FAM120B: variants seen among roughly 807,000 people sequenced by gnomAD.
FAM120B encodes constitutive coactivator of peroxisome proliferator-activated receptor gamma.
Under a neutral mutation model 96.3 loss-of-function variants are expected in FAM120B, and 83 were observed. That is an observed-to-expected ratio of 0.86 (90% CI 0.72 to 1.03). FAM120B has a LOEUF of 1.03. FAM120B is among the 50% of genes least tolerant of loss of function. FAM120B has a pLI of 0.00. For missense variants in FAM120B, 1,027 were observed against 1,121.2 expected, an observed-to-expected ratio of 0.92 and a Z score of 1.20; for synonymous variants, 407 against 402.7, an observed-to-expected ratio of 1.01 and a Z score of -0.13.
At chr6:170,399,715 G>A (rs78432603) in intron 9 of FAM120B, among the ~76,000 whole-genome samples, 1 of 145,756 alleles carries the variant, frequency 6.9e-6, no homozygotes, top group African/African-American at 2.6e-5. Context: ...GAAGTGAGTG[G>A]GAAAGGTAGA....
intron 4 of FAM120B, among the ~76,000 whole-genome samples, chr6:170,344,950 TCTCTGCCCTGCAGCAGCAGTC>T (rs1787080658): frequency 6.6e-6 from 1 of 152,228 alleles, no homozygotes; most frequent in South Asian, 2.1e-4. Flanking sequence ...CCTCACAATG[TCTCTGCCCTGCAGCAGCAGTC>T]CTCTGCCCTA....
At position 170,362,668 on chromosome 6, in the gene FAM120B, G is replaced by C. The variant is rs181589901; in HGVS notation, c.2283+4350G>C. ...CAGGGTGCAATAATAATAATAATTTGTTTTCTTTCTTTTTTCTTTTTTTTT... is the reference window on the plus strand; with the variant it reads ...CAGGGTGCAATAATAATAATAATTTCTTTTCTTTCTTTTTTCTTTTTTTTT... On this transcript the variant is annotated intron_variant, in intron 6 of 10. Transcript: ENST00000476287. Among the ~76,000 whole-genome samples the C allele has an allele frequency of 4.9e-3, 739 of 150,514 alleles. 9 individuals carry two copies. The highest frequency in any genetic ancestry group is 0.017 in the African/African-American group (707 of 40,916).
At chr6:170,337,755 C>T (rs1786538175) in intron 4 of FAM120B, among the ~76,000 whole-genome samples, 1 of 152,052 alleles carries the variant, frequency 6.6e-6, no homozygotes, top group African/African-American at 2.4e-5. Context: ...CTGGTTTAGT[C>T]TTGGAAGGTG....
At chr6:170,291,317 G>A (rs1370581279), upstream of FAM120B, among the ~76,000 whole-genome samples, 2 of 151,936 alleles carry the variant, frequency 1.3e-5, no homozygotes, top group Non-Finnish European at 2.9e-5. Context: ...CACACGCGGG[G>A]GGCGGCGCTG....
intron 5 of FAM120B, among the ~76,000 whole-genome samples, chr6:170,356,471 T>A (rs751390584): frequency 7.9e-5 from 12 of 152,192 alleles, no homozygotes; most frequent in Non-Finnish European, 1.5e-4. Flanking sequence ...TGTTTTGATG[T>A]GTAATATGGG....
chr6:170,350,591 T>A (rs1226713499), intron 5 of FAM120B, among the ~76,000 whole-genome samples: 3 of 152,214 alleles, frequency 2.0e-5, no homozygotes, highest in African/African-American at 7.2e-5. Context: ...AGGAGCTGGC[T>A]GCCATCTTTG....
intron 9 of FAM120B, among the ~76,000 whole-genome samples, chr6:170,400,962 C>G (rs1042403067): frequency 6.6e-6 from 1 of 152,196 alleles, no homozygotes; most frequent in Non-Finnish European, 1.5e-5. Flanking sequence ...ACTACAGGAG[C>G]ATCTTTAAAC....
chr6:170,340,075 A>C (rs895584584), intron 4 of FAM120B, among the ~76,000 whole-genome samples: 21 of 152,228 alleles, frequency 1.4e-4, no homozygotes, highest in African/African-American at 4.3e-4. Context: ...ATAATATCCT[A>C]AAGTGTGTTT....
At chr6:170,330,380 G>T (rs1785933388) in intron 3 of FAM120B, 69 bp from the exon 4 acceptor site, 1 of 1,235,092 alleles carries the variant, frequency 8.1e-7, no homozygotes, top group Non-Finnish European at 1.2e-6. Flanking sequence ...GGCAGAGCTG[G>T]GTCTGTGACA....
intron 3 of FAM120B, among the ~76,000 whole-genome samples, 177 bp downstream of exon 3, chr6:170,323,436 G>C (rs1189761565): frequency 6.6e-6 from 1 of 152,212 alleles, no homozygotes; most frequent in African/African-American, 2.4e-5. Context: ...TTAAGCGTAA[G>C]TGCCATTGGA....
upstream of FAM120B, chr6:170,295,231 A>C: frequency 1.7e-6 from 1 of 575,084 alleles, no homozygotes; most frequent in Non-Finnish European, 3.1e-6. The surrounding 1 kb of genome is among the most constrained non-coding windows in gnomAD (Gnocchi z 7.8). Context: ...GGACACGTGA[A>C]CATAGACCTT....
At chr6:170,342,527 A>G (rs1252594066) in intron 4 of FAM120B, among the ~76,000 whole-genome samples, 1 of 152,210 alleles carries the variant, frequency 6.6e-6, no homozygotes, top group Non-Finnish European at 1.5e-5. Context: ...GGAAACAGCA[A>G]TGGGGCACTC....
chr6:170,390,861 G>A, intron 7 of FAM120B, 152 bp from the exon 8 acceptor site: 1 of 675,522 alleles, frequency 1.5e-6, no homozygotes. Flanking sequence ...CTGTGCTGCG[G>A]TTCATGTCTG....
At chr6:170,385,519 TTA>T (rs1184525150) in intron 6 of FAM120B, among the ~76,000 whole-genome samples, 1 of 152,196 alleles carries the variant, frequency 6.6e-6, no homozygotes, top group Non-Finnish European at 1.5e-5. Flanking sequence ...AAGGTTTTTT[TTA>T]TGTCATTCGC....
At chr6:170,389,483 A>C (rs935639382) in intron 7 of FAM120B, among the ~76,000 whole-genome samples, 2 of 152,088 alleles carry the variant, frequency 1.3e-5, no homozygotes, top group Non-Finnish European at 2.9e-5. Context: ...CCAGTCTGAC[A>C]CATTTTTAAT....
chr6:170,381,394 C>A (rs555900942), intron 6 of FAM120B, among the ~76,000 whole-genome samples: 1 of 152,236 alleles, frequency 6.6e-6, no homozygotes, highest in Non-Finnish European at 1.5e-5. Context: ...CCGTAGTTTG[C>A]AAACTCCCCT....
intron 4 of FAM120B, among the ~76,000 whole-genome samples, chr6:170,342,473 C>G (rs999869666): frequency 1.3e-5 from 2 of 152,212 alleles, no homozygotes; most frequent in African/African-American, 4.8e-5. Flanking sequence ...AGTGCCATGG[C>G]TTAGCGTCCA....
At chr6:170,385,377 A>C (rs890140643) in intron 6 of FAM120B, among the ~76,000 whole-genome samples, 9 of 152,012 alleles carry the variant, frequency 5.9e-5, no homozygotes, top group African/African-American at 2.2e-4. Flanking sequence ...TTTAAAAAAA[A>C]GGCTGAAAAT....
chr6:170,394,042 C>T (rs73038692), intron 8 of FAM120B, among the ~76,000 whole-genome samples: 13,840 of 152,188 alleles, frequency 0.091, 685 homozygotes, highest in African/African-American at 0.1. Context: ...CTGGAGACCA[C>T]GTGTGTAAGA....
Sources: gnomAD v4.1 joint callset for allele counts (sites outside exome capture counted in the v4.1 genomes callset) on GRCh38, gnomAD v4.1.1 for gene constraint, Gnocchi (gnomAD v3.1) non-coding constraint, MANE v1.5 for transcripts, NCBI Gene and HGNC (gene_info 2026-07-23, HGNC 2026-07-21) for gene names.